Variants in PPARG observed in about 807,000 individuals in gnomAD.
The protein encoded by PPARG is peroxisome proliferator activated receptor gamma.
PPARG carries 17 observed loss-of-function variants against 39.2 expected under a neutral mutation model. That is an observed-to-expected ratio of 0.43 (90% confidence interval 0.30 to 0.65). PPARG has a LOEUF of 0.65. PPARG is among the 30% of genes least tolerant of loss of function. The pLI, the probability that PPARG is intolerant of heterozygous loss-of-function variation, is 0.13. For missense variants in PPARG, 406 were observed against 585.9 expected (o/e 0.69, Z 3.17); for synonymous variants, 223 against 215.7 (o/e 1.03, Z -0.30).
chr3:12,334,182 T>TA (rs1040661732), intron 2 of PPARG, among the ~76,000 whole-genome samples: 7 of 151,672 alleles, frequency 4.6e-5, no homozygotes, highest in African/African-American at 7.2e-5. Flanking sequence ...CCTGATTTAC[T>TA]AAAAAAAAGT....
rs143829007 is a variant in PPARG at position 12,316,751 on chromosome 3, C to G, written c.-9+4298C>G. Among the ~76,000 whole-genome samples the G allele has an allele frequency of 2.6e-5, 4 of 151,474 alleles. No homozygotes were observed. The East Asian group carries it at 7.8e-4, about 29-fold the overall frequency. On this transcript the variant is annotated intron_variant, in intron 2 of 7. Coordinates refer to ENST00000651735, the MANE Select transcript of PPARG (RefSeq NM_138711.6). ...TTTTTTAAAAAATCTAAAGATGGTTCCTGGACATCATTTACCAACTGGCAG... is the reference window on the plus strand; with the variant it reads ...TTTTTTAAAAAATCTAAAGATGGTTGCTGGACATCATTTACCAACTGGCAG...
At chr3:12,427,577 C>T (rs1014713472) in intron 7 of PPARG, among the ~76,000 whole-genome samples, 3 of 152,146 alleles carry the variant, frequency 2.0e-5, no homozygotes, top group South Asian at 2.1e-4. Context: ...TCTCACCATA[C>T]GCTTATGAAA....
rs2049568205 is a variant in PPARG at position 12,379,811 on chromosome 3, C to T, written c.100C>T (p.Pro34Ser). 5.0e-6 allele frequency: 8 copies of T among 1,613,958 alleles called. No individual in the cohort carries two copies. Among genetic ancestry groups the T allele is most frequent in the Non-Finnish European group, 5.9e-6 (7 of 1,179,858 alleles). ...EDHSHSFDIK[P>S]FTTVDFSSIS... ...CCACTCCCACTCCTTTGATATCAAG[C>T]CCTTCACTACTGTTGACTTCTCCAG... is the stretch of plus-strand genomic sequence containing the variant. The change falls in exon 3 of 8, where the codon CCC becomes TCC. Residue 34 changes from proline to serine, a missense_variant. By Grantham distance (74) the Pro-to-Ser change is moderately conservative. Coordinates refer to ENST00000651735, the MANE Select transcript of PPARG (RefSeq NM_138711.6).
intron 2 of PPARG, among the ~76,000 whole-genome samples, chr3:12,318,213 A>G (rs990779180): frequency 2.0e-5 from 3 of 152,162 alleles, no homozygotes; most frequent in African/African-American, 2.4e-5. Flanking sequence ...GCCTCAAGCA[A>G]TCCTCCTGCC....
At chr3:12,351,712 G>A (rs1455864121) in intron 2 of PPARG, 1 of 1,503,896 alleles carries the variant, frequency 6.6e-7, no homozygotes, top group East Asian at 2.3e-5. Flanking sequence ...GGGGACGTGG[G>A]GGCATTTATG....
intron 6 of PPARG, among the ~76,000 whole-genome samples, chr3:12,410,850 C>G (rs1341795911): frequency 6.6e-6 from 1 of 152,206 alleles, no homozygotes; most frequent in Non-Finnish European, 1.5e-5. Flanking sequence ...TTAAATCCTA[C>G]ACTTACAGCT....
At chr3:12,414,425 C>T (rs1275857833) in intron 6 of PPARG, among the ~76,000 whole-genome samples, 1 of 151,940 alleles carries the variant, frequency 6.6e-6, no homozygotes, top group Admixed American at 6.6e-5. Context: ...AAGACCAGCC[C>T]AGGCAACATA....
intron 1 of PPARG, among the ~76,000 whole-genome samples, chr3:12,307,979 T>G (rs1477340769): frequency 1.3e-5 from 2 of 151,682 alleles, no homozygotes; most frequent in African/African-American, 4.9e-5. Flanking sequence ...AAAGAAGAGA[T>G]GAAGGCCAAG....
At chr3:12,360,913 C>T (rs768531922) in intron 2 of PPARG, among the ~76,000 whole-genome samples, 7 of 151,932 alleles carry the variant, frequency 4.6e-5, no homozygotes, top group Non-Finnish European at 8.8e-5. Flanking sequence ...AGTGAAGGAG[C>T]GTATGCATTT....
chr3:12,432,069 A>G (rs2051680108), intron 7 of PPARG, among the ~76,000 whole-genome samples: 1 of 152,266 alleles, frequency 6.6e-6, no homozygotes, highest in South Asian at 2.1e-4. Flanking sequence ...CTGAATAGAT[A>G]AAAGCTATGG....
At chr3:12,361,716 G>T (rs1453070106) in intron 2 of PPARG, among the ~76,000 whole-genome samples, 1 of 152,198 alleles carries the variant, frequency 6.6e-6, no homozygotes, top group African/African-American at 2.4e-5. Context: ...AATTAAGATT[G>T]CCTTAAGTAC....
In PPARG at chr3:12,406,096, G is replaced by T; in HGVS notation, c.729+15G>T. 1 of 1,613,226 alleles carries T rather than the reference G, an allele frequency of 6.2e-7. No homozygotes were observed. The highest frequency in any genetic ancestry group is 8.5e-7 in the Non-Finnish European group (1 of 1,179,544). ...CAGACAAATCAGTTAGTTCTCTTCT[G>T]CTGTCTTCATTGGGGGAGGCGGGAA... On this transcript the variant is annotated intron_variant, in intron 6 of 7. Transcript: ENST00000651735.
At chr3:12,409,730 G>A (rs1004577781) in intron 6 of PPARG, among the ~76,000 whole-genome samples, 2 of 152,184 alleles carry the variant, frequency 1.3e-5, no homozygotes, top group South Asian at 2.1e-4. Context: ...AGAATAGTGG[G>A]TGACCAATTA....
At position 12,333,751 on chromosome 3, in the gene PPARG, TAGTC is replaced by T. The variant is rs552275940; in HGVS notation, c.-9+21301_-9+21304del. 2.6e-5 allele frequency among the ~76,000 whole-genome samples: 4 copies of T among 152,298 alleles called. No homozygotes were observed. The South Asian group carries it at 8.3e-4, about 32-fold the overall frequency. Reference sequence around the variant, plus strand: ...TTCAGTCGTCAGTCATTTCGTCAGTTAGTCAGACAACAGACTTTGTTCATACGAC... The same window carrying T: ...TTCAGTCGTCAGTCATTTCGTCAGTTAGACAACAGACTTTGTTCATACGAC... On this transcript the variant is annotated intron_variant, in intron 2 of 7. Coordinates refer to ENST00000651735, the MANE Select transcript of PPARG (RefSeq NM_138711.6).
At chr3:12,352,716 C>T (rs547110686) in intron 2 of PPARG, among the ~76,000 whole-genome samples, 2 of 152,032 alleles carry the variant, frequency 1.3e-5, no homozygotes, top group East Asian at 3.8e-4. Context: ...TATTAGTCAC[C>T]GTTTTTAAAA....
At chr3:12,376,661 T>C (rs894507788) in intron 2 of PPARG, among the ~76,000 whole-genome samples, 2 of 152,186 alleles carry the variant, frequency 1.3e-5, no homozygotes, top group Non-Finnish European at 2.9e-5. Context: ...TTTCAGATTA[T>C]GCAGAAGAAA....
At chr3:12,401,372 G>A (rs770936654) in intron 5 of PPARG, among the ~76,000 whole-genome samples, 1 of 152,114 alleles carries the variant, frequency 6.6e-6, no homozygotes, top group Non-Finnish European at 1.5e-5. Flanking sequence ...AGAGGTCAGC[G>A]TGCCATGACT....
chr3:12,401,867 A>T (rs187573350), intron 5 of PPARG, among the ~76,000 whole-genome samples: 4 of 152,332 alleles, frequency 2.6e-5, no homozygotes, highest in East Asian at 1.9e-4. Flanking sequence ...TTTGGGGGGA[A>T]CTTCAACTTA....
chr3:12,389,998 A>G (rs2050011900), intron 4 of PPARG, among the ~76,000 whole-genome samples: 1 of 152,220 alleles, frequency 6.6e-6, no homozygotes, highest in Non-Finnish European at 1.5e-5. Context: ...TAAGCCAGAG[A>G]AGATATTTGA....
Sources: gnomAD v4.1 joint callset for allele counts (sites outside exome capture counted in the v4.1 genomes callset) on GRCh38, gnomAD v4.1.1 for gene constraint, MANE v1.5 for transcripts, NCBI Gene and HGNC (gene_info 2026-07-23, HGNC 2026-07-21) for gene names.